Variants in KCNH5 observed in about 807,000 individuals in gnomAD.
KCNH5 encodes potassium voltage-gated channel subfamily H member 5.
KCNH5 carries 46 observed loss-of-function variants against 96.1 expected under a neutral mutation model. That is an observed-to-expected ratio of 0.48 (90% CI 0.38 to 0.61). The LOEUF (loss-of-function observed/expected upper bound fraction) is 0.61, where lower values mean the gene tolerates loss of function less well. Ranked by LOEUF, KCNH5 falls within the 20% of genes least tolerant of loss-of-function variation. The probability of loss-of-function intolerance (pLI) is 0.00; values close to 1 mark genes in which losing one functional copy is unlikely to be tolerated. For missense variants in KCNH5, 907 were observed against 1,225.8 expected (o/e 0.74, Z 3.88); for synonymous variants, 439 against 449.8 (o/e 0.98, Z 0.30).
intron 9 of KCNH5, among the ~76,000 whole-genome samples, chr14:62,789,208 A>T (rs1886381069): frequency 1.3e-5 from 2 of 152,156 alleles, no homozygotes; most frequent in Admixed American, 1.3e-4. Context: ...GGTTTATTTC[A>T]CTTAGCATAA....
chr14:62,948,040 A>T (rs999469487), intron 7 of KCNH5, among the ~76,000 whole-genome samples: 1 of 147,466 alleles, frequency 6.8e-6, no homozygotes, highest in Non-Finnish European at 1.5e-5. Flanking sequence ...ATGTAATCTC[A>T]TTGTTCAATT....
At chr14:62,964,387 T>G (rs939345383) in intron 6 of KCNH5, among the ~76,000 whole-genome samples, 2 of 152,114 alleles carry the variant, frequency 1.3e-5, no homozygotes, top group African/African-American at 4.8e-5. Flanking sequence ...CATGTTCACC[T>G]CCTCATCACC....
intron 8 of KCNH5, among the ~76,000 whole-genome samples, chr14:62,810,402 C>T (rs577140491): frequency 1.3e-5 from 2 of 152,154 alleles, no homozygotes; most frequent in East Asian, 3.9e-4. Flanking sequence ...CGAACTAGAA[C>T]AAGTCCATCT....
intron 7 of KCNH5, among the ~76,000 whole-genome samples, chr14:62,942,632 C>T (rs777450478): frequency 6.6e-6 from 1 of 152,098 alleles, no homozygotes. Context: ...CATACACATC[C>T]CACTGGCAGA....
chr14:62,849,129 T>C (rs1260999370), intron 8 of KCNH5, among the ~76,000 whole-genome samples: 1 of 152,192 alleles, frequency 6.6e-6, no homozygotes. Flanking sequence ...AGATATCTAT[T>C]TTATAGATGT....
At chr14:62,769,693 A>C (rs997284472) in intron 10 of KCNH5, among the ~76,000 whole-genome samples, 2 of 152,244 alleles carry the variant, frequency 1.3e-5, no homozygotes, top group Non-Finnish European at 2.9e-5. Flanking sequence ...AAAGTTATCA[A>C]AGATATTGTG....
At chr14:62,720,227 G>A (rs895042418) in intron 10 of KCNH5, among the ~76,000 whole-genome samples, 1 of 152,142 alleles carries the variant, frequency 6.6e-6, no homozygotes, top group Non-Finnish European at 1.5e-5. Context: ...TTAGTAAACA[G>A]GAGGAGAATG....
intron 8 of KCNH5, among the ~76,000 whole-genome samples, chr14:62,837,997 T>G (rs1887498843): frequency 6.6e-6 from 1 of 152,176 alleles, no homozygotes; most frequent in African/African-American, 2.4e-5. Context: ...CTGCTTCCCA[T>G]TAACTTCTCA....
intron 9 of KCNH5, among the ~76,000 whole-genome samples, chr14:62,790,672 G>T (rs1236154012): frequency 6.7e-6 from 1 of 149,232 alleles, no homozygotes; most frequent in Admixed American, 6.7e-5. Context: ...GTGCTTTATA[G>T]TTTTCTGTGT....
chr14:62,700,606 G>A lies in KCNH5; in HGVS notation c.*6902C>T, dbSNP rs1204570513. The A allele has an allele frequency of 2.6e-5, 4 of 152,192 alleles. No individual in the cohort carries two copies. Among genetic ancestry groups the A allele is most frequent in the Non-Finnish European group, 5.9e-5 (4 of 68,024 alleles). The allele number at this position is 152,192 out of a possible 1,614,324, so 9.4% of individuals were successfully genotyped here. A position where few individuals can be genotyped will look rare whatever the true frequency, so the allele number is the denominator to read the frequency against. Reference sequence around the variant, plus strand: ...TTAAATGAAAGTGCGTTTGGATTTTGTGTAAGTTGACAGTTCATGGCTGTG... The same window carrying A: ...TTAAATGAAAGTGCGTTTGGATTTTATGTAAGTTGACAGTTCATGGCTGTG... On this transcript the variant is annotated 3_prime_UTR_variant, in exon 11 of 11. Transcript: ENST00000322893.
chr14:62,731,380 G>T (rs73271129), intron 10 of KCNH5, among the ~76,000 whole-genome samples: 1,681 of 151,860 alleles, frequency 0.011, 34 homozygotes, highest in African/African-American at 0.038. Context: ...TCACATTGAT[G>T]GGGAAGAAAT....
chr14:62,971,044 G>C (rs1464943691), intron 6 of KCNH5, among the ~76,000 whole-genome samples: 1 of 152,002 alleles, frequency 6.6e-6, no homozygotes, highest in Non-Finnish European at 1.5e-5. Flanking sequence ...ATACTTACTG[G>C]GAAGGAAGAA....
At chr14:62,870,074 C>T (rs918664050) in intron 7 of KCNH5, among the ~76,000 whole-genome samples, 2 of 152,190 alleles carry the variant, frequency 1.3e-5, no homozygotes, top group African/African-American at 4.8e-5. Flanking sequence ...GCTACAGCCA[C>T]TGCAAAAGAG....
At chr14:62,733,649 G>T (rs1885097317) in intron 10 of KCNH5, among the ~76,000 whole-genome samples, 1 of 152,046 alleles carries the variant, frequency 6.6e-6, no homozygotes, top group Non-Finnish European at 1.5e-5. Flanking sequence ...CTTTCTCTCT[G>T]GTCACTATAA....
intron 7 of KCNH5, among the ~76,000 whole-genome samples, chr14:62,915,134 C>A (rs559325592): frequency 6.6e-6 from 1 of 152,336 alleles, no homozygotes; most frequent in South Asian, 2.1e-4. Flanking sequence ...ACTGGCTTTG[C>A]CACTTTGTAA....
intron 10 of KCNH5, among the ~76,000 whole-genome samples, chr14:62,757,424 G>C (rs1344266453): frequency 6.6e-6 from 1 of 152,092 alleles, no homozygotes; most frequent in African/African-American, 2.4e-5. Context: ...ATATGATCTA[G>C]CACCCCCACT....
At chr14:62,872,977 C>T (rs772515328) in intron 7 of KCNH5, among the ~76,000 whole-genome samples, 28 of 151,838 alleles carry the variant, frequency 1.8e-4, no homozygotes, top group Admixed American at 6.6e-5. Flanking sequence ...AGTGAAACTC[C>T]GTTTCTACTG....
chr14:62,860,954 G>T (rs953889800), intron 7 of KCNH5, among the ~76,000 whole-genome samples: 1 of 152,182 alleles, frequency 6.6e-6, no homozygotes, highest in Admixed American at 6.5e-5. Context: ...AAGTGAGGGA[G>T]GTTCTACAAG....
At chr14:62,886,157 C>T (rs1888592733) in intron 7 of KCNH5, among the ~76,000 whole-genome samples, 1 of 133,510 alleles carries the variant, frequency 7.5e-6, no homozygotes, top group Non-Finnish European at 1.6e-5. Context: ...CACACACACA[C>T]ACAAGAATAT....
Sources: allele counts gnomAD v4.1 joint callset (sites outside exome capture counted in the v4.1 genomes callset), GRCh38; gene constraint gnomAD v4.1.1; transcripts MANE v1.5; gene names NCBI Gene and HGNC (gene_info 2026-07-23, HGNC 2026-07-21).